The following MCTP1 variants were observed in gnomAD, a reference collection of about 807,000 sequenced individuals.
MCTP1 encodes the protein multiple C2 and transmembrane domain-containing protein 1.
Under a neutral mutation model 120.6 loss-of-function variants are expected in MCTP1, and 69 were observed. The observed-to-expected ratio is 0.57, with a 90% CI of 0.47 to 0.70. The LOEUF (loss-of-function observed/expected upper bound fraction) is 0.70, where lower values mean the gene tolerates loss of function less well. Ranked by LOEUF, MCTP1 falls within the 30% of genes least tolerant of loss-of-function variation. The pLI is 0.00. For synonymous variants in MCTP1, 529 were observed against 493.1 expected, an observed-to-expected ratio of 1.07 and a Z score of -0.96; for missense variants, 1,203 against 1,248.8, an observed-to-expected ratio of 0.96 and a Z score of 0.55.
At chr5:95,206,781 C>A (rs1179720006) in intron 1 of MCTP1, among the ~76,000 whole-genome samples, 2 of 152,122 alleles carry the variant, frequency 1.3e-5, no homozygotes, top group Non-Finnish European at 2.9e-5. Context: ...CGTGATCCAC[C>A]CCCCTCGGCC....
chr5:95,109,367 C>T (rs10476621), intron 1 of MCTP1, among the ~76,000 whole-genome samples: 130,775 of 152,206 alleles, frequency 0.86, 56,697 homozygotes, highest in Middle Eastern at 0.92. Flanking sequence ...CTCAGATTTA[C>T]TTAGATTTTC....
intron 21 of MCTP1, 49 bp downstream of exon 21, chr5:94,710,769 G>T: frequency 8.3e-7 from 1 of 1,206,354 alleles, no homozygotes; most frequent in Non-Finnish European, 1.2e-6. Flanking sequence ...AACATAGTTT[G>T]TTCTTAGCAG....
intron 1 of MCTP1, among the ~76,000 whole-genome samples, chr5:95,222,567 A>G (rs1388698256): frequency 6.6e-6 from 1 of 152,248 alleles, no homozygotes; most frequent in Non-Finnish European, 1.5e-5. Flanking sequence ...TTTTTCCTTC[A>G]ACTTTTAAAG....
At chr5:95,182,799 G>A (rs1034803238) in intron 1 of MCTP1, among the ~76,000 whole-genome samples, 3 of 152,034 alleles carry the variant, frequency 2.0e-5, no homozygotes, top group African/African-American at 7.2e-5. Flanking sequence ...CGAGGCGGGT[G>A]GATCACAAGG....
chr5:95,005,144 G>C (rs1326268975), intron 2 of MCTP1, among the ~76,000 whole-genome samples: 1 of 152,178 alleles, frequency 6.6e-6, no homozygotes, highest in Non-Finnish European at 1.5e-5. Flanking sequence ...TGACTGCCCT[G>C]CTGGGTTTCA....
chr5:95,081,154 A>C (rs537786578), intron 1 of MCTP1, among the ~76,000 whole-genome samples: 1 of 152,304 alleles, frequency 6.6e-6, no homozygotes, highest in Non-Finnish European at 1.5e-5. Context: ...CAAAACAAAA[A>C]AAACAAACCA....
chr5:94,817,500 C>A (rs1561685278), intron 17 of MCTP1, among the ~76,000 whole-genome samples: 1 of 152,162 alleles, frequency 6.6e-6, no homozygotes, highest in Non-Finnish European at 1.5e-5. Context: ...CCTTTGAACT[C>A]CACCATCTTT....
chr5:94,736,577 G>T (rs925263526), intron 19 of MCTP1, among the ~76,000 whole-genome samples: 1 of 152,114 alleles, frequency 6.6e-6, no homozygotes, highest in Admixed American at 6.6e-5. Flanking sequence ...TTAACCCTGA[G>T]AACTTAGTGT....
At chr5:94,947,709 T>C (rs553790874) in intron 3 of MCTP1, among the ~76,000 whole-genome samples, 2 of 149,424 alleles carry the variant, frequency 1.3e-5, no homozygotes, top group East Asian at 3.9e-4. Flanking sequence ...CTTAAACTAC[T>C]GGGTTTAAGG....
chr5:94,761,117 G>T (rs373541168), intron 19 of MCTP1, among the ~76,000 whole-genome samples: 2 of 152,188 alleles, frequency 1.3e-5, no homozygotes, highest in African/African-American at 4.8e-5. Context: ...AAACTGTTAC[G>T]TTTTAAGAAG....
intron 2 of MCTP1, among the ~76,000 whole-genome samples, chr5:94,996,027 T>C (rs1832557917): frequency 6.6e-6 from 1 of 152,224 alleles, no homozygotes; most frequent in African/African-American, 2.4e-5. Context: ...TAATTAAGTA[T>C]TCAATATTTC....
intron 1 of MCTP1, among the ~76,000 whole-genome samples, chr5:95,249,562 G>A (rs1757172448): frequency 6.6e-6 from 1 of 152,146 alleles, no homozygotes; most frequent in Non-Finnish European, 1.5e-5. Flanking sequence ...GTCGGTGGGA[G>A]TGTAAATTAG....
At chr5:94,949,409 T>C (rs112143020) in intron 3 of MCTP1, among the ~76,000 whole-genome samples, 124 of 152,268 alleles carry the variant, frequency 8.1e-4, no homozygotes, top group African/African-American at 2.9e-3. Flanking sequence ...ACATTATATA[T>C]AGATTTTATA....
chr5:94,921,868 G>T (rs1009536922), intron 7 of MCTP1, among the ~76,000 whole-genome samples: 1 of 152,090 alleles, frequency 6.6e-6, no homozygotes. Flanking sequence ...AAAATAACAG[G>T]CTAAGGAACA....
At chr5:95,081,778 A>G in intron 1 of MCTP1, 2 of 1,118,708 alleles carry the variant, frequency 1.8e-6, no homozygotes, top group Non-Finnish European at 2.2e-6. Flanking sequence ...CAAACATCAT[A>G]TCTGGGGTTC....
chr5:95,068,799 G>A (rs1427243405), intron 1 of MCTP1: 1 of 1,279,874 alleles, frequency 7.8e-7, no homozygotes, highest in Non-Finnish European at 1.0e-6. Flanking sequence ...ACTGCATTTA[G>A]TCTGTCCTTT....
intron 19 of MCTP1, among the ~76,000 whole-genome samples, chr5:94,749,466 C>T (rs976333821): frequency 1.3e-5 from 2 of 151,984 alleles, no homozygotes; most frequent in Non-Finnish European, 2.9e-5. Context: ...ACCAGCCTGG[C>T]CAACATGGCG....
At chr5:94,863,325 C>A (rs1157804339) in intron 17 of MCTP1, among the ~76,000 whole-genome samples, 1 of 151,678 alleles carries the variant, frequency 6.6e-6, no homozygotes. Flanking sequence ...AACGTTTCTG[C>A]TAGCGCTAAA....
chr5:94,834,688 T>C (rs1205413815), intron 17 of MCTP1, among the ~76,000 whole-genome samples: 1 of 152,100 alleles, frequency 6.6e-6, no homozygotes, highest in African/African-American at 2.4e-5. Context: ...GATCTCAGGG[T>C]GCATGAGTGG....
Sources: gnomAD v4.1 joint callset for allele counts (sites outside exome capture counted in the v4.1 genomes callset) on GRCh38, gnomAD v4.1.1 for gene constraint, MANE v1.5 for transcripts, NCBI Gene and HGNC (gene_info 2026-07-23, HGNC 2026-07-21) for gene names.